TRRAP: variants seen among roughly 807,000 people sequenced by gnomAD.
TRRAP encodes transformation/transcription domain associated protein, also known as transformation/transcription domain-associated protein.
Under a neutral mutation model 438.8 loss-of-function variants are expected in TRRAP, and 41 were observed. That is an observed-to-expected ratio of 0.09 (90% confidence interval 0.07 to 0.12). The LOEUF is 0.12. TRRAP is among the 10% of genes least tolerant of loss of function. The probability of loss-of-function intolerance (pLI) is 1.00; values close to 1 mark genes in which losing one functional copy is unlikely to be tolerated. For synonymous variants in TRRAP, 1,994 were observed against 1,962.9 expected (o/e 1.02, Z -0.42); for missense variants, 3,122 against 5,055.1 (o/e 0.62, Z 11.60).
chr7:98,984,911 A>G (rs1457775291), intron 61 of TRRAP, 33 bp from the exon 62 acceptor site: 3 of 1,457,120 alleles, frequency 2.1e-6, no homozygotes, highest in South Asian at 1.2e-5. Context: ...AGAAATTTCA[A>G]GAACTTTTTT....
chr7:98,897,147 A>T (rs1175471607), intron 7 of TRRAP, among the ~76,000 whole-genome samples: 1 of 152,188 alleles, frequency 6.6e-6, no homozygotes, highest in Non-Finnish European at 1.5e-5. Flanking sequence ...AGGCGGGAGA[A>T]TCACTTGAAC....
chr7:98,970,467 G>A (rs1281596971), intron 52 of TRRAP, among the ~76,000 whole-genome samples, 176 bp downstream of exon 52: 1 of 151,842 alleles, frequency 6.6e-6, no homozygotes, highest in Admixed American at 6.6e-5. Context: ...GAGGCCCCGC[G>A]CCCCACGGGC....
At position 98,910,107 on chromosome 7, in the gene TRRAP, T is replaced by C. The variant is rs1554408383; in HGVS notation, c.1402T>C (p.Phe468Leu). The change falls in exon 15 of 73, where the codon TTT becomes CTT. Residue 468 changes from phenylalanine (F) to leucine (L), a missense_variant. Coordinates refer to ENST00000456197, the MANE Select transcript of TRRAP (RefSeq NM_001375524.1). ...TGCTCGGTACCAGCTCTCTGCCATT[T>C]TTAAGAAGTGTAAGCCTCAGTCAGA... The part of the protein sequence containing the change: ...TIARYQLSAI[F>L]KKCKPQSELG... 1.3e-6 allele frequency: 2 copies of C among 1,593,802 alleles called. No individual in the cohort carries two copies. The highest frequency in any genetic ancestry group is 2.2e-5 in the East Asian group (1 of 44,748).
intron 67 of TRRAP, among the ~76,000 whole-genome samples, chr7:99,003,338 T>C (rs1794018250): frequency 6.6e-6 from 1 of 152,258 alleles, no homozygotes; most frequent in South Asian, 2.1e-4. Flanking sequence ...CCTGCATTAG[T>C]TCCTTCTCAT....
intron 4 of TRRAP, among the ~76,000 whole-genome samples, chr7:98,892,002 A>G (rs1309491322): frequency 2.0e-5 from 3 of 152,230 alleles, no homozygotes; most frequent in African/African-American, 7.2e-5. Context: ...AGCTCATGAT[A>G]TAACTAGTCC....
intron 51 of TRRAP, among the ~76,000 whole-genome samples, chr7:98,969,627 G>A (rs1191310355): frequency 1.3e-5 from 2 of 152,150 alleles, no homozygotes; most frequent in Non-Finnish European, 2.9e-5. Context: ...GGGGAAGAAC[G>A]GTGTGGTGGC....
rs1554406003 is a variant in TRRAP, at chr7:98,897,772, C to T, written c.539C>T (p.Pro180Leu). 6.2e-7 allele frequency: 1 copy of T among 1,613,598 alleles called. No individual in the cohort carries two copies. The highest frequency in any genetic ancestry group is 1.3e-5 in the African/African-American group (1 of 74,764). ...TACTTTGAGAACCCTCAAGTGATCC[C>T]CGAGAACACAGTGCCTCCCCCAGAA... The part of the protein sequence containing the change: ...NRYFENPQVI[P>L]ENTVPPPEMV... Residue 180 changes from proline (P) to leucine (L), a missense_variant, in exon 8 of 73, where the codon CCC becomes CTC. By Grantham distance (98) the Pro-to-Leu change is moderately conservative. Around this residue, in one of 24 missense-constraint regions of TRRAP, gnomAD observed 343 missense variants for 564.0 expected, o/e 0.61. Coordinates refer to ENST00000456197, the MANE Select transcript of TRRAP (RefSeq NM_001375524.1).
intron 69 of TRRAP, 23 bp from the exon 70 acceptor site, chr7:99,008,354 C>T (rs746999974): frequency 5.6e-6 from 9 of 1,610,782 alleles, no homozygotes; most frequent in African/African-American, 2.7e-5. Context: ...CAGCCTGCCC[C>T]GTTTCTCTTC....
At chr7:99,002,608 G>T (rs1793980963) in intron 67 of TRRAP, among the ~76,000 whole-genome samples, 1 of 152,122 alleles carries the variant, frequency 6.6e-6, no homozygotes, top group African/African-American at 2.4e-5. Context: ...ATCTCACCTT[G>T]GTGCACAGCA....
chr7:98,894,131 G>C (rs1796090781), intron 6 of TRRAP, among the ~76,000 whole-genome samples: 1 of 152,164 alleles, frequency 6.6e-6, no homozygotes, highest in Non-Finnish European at 1.5e-5. Context: ...GGGCTGTTCT[G>C]GTATTTATGC....
intron 56 of TRRAP, among the ~76,000 whole-genome samples, chr7:98,977,769 G>T (rs73155662): frequency 6.6e-6 from 1 of 152,252 alleles, no homozygotes; most frequent in Non-Finnish European, 1.5e-5. Flanking sequence ...TCCAGAAGCA[G>T]ATGTGGCCTT....
intron 53 of TRRAP, among the ~76,000 whole-genome samples, chr7:98,974,539 G>A (rs931648121): frequency 4.6e-5 from 7 of 152,158 alleles, no homozygotes; most frequent in African/African-American, 1.7e-4. Context: ...ACCTCTTTGG[G>A]ACAGTGTGTA....
chr7:98,891,703 T>C (rs1554404934), intron 4 of TRRAP, among the ~76,000 whole-genome samples: 1 of 151,284 alleles, frequency 6.6e-6, no homozygotes. Flanking sequence ...ACCCAGCTAA[T>C]TTTTTGTATT....
chr7:98,899,983 G>A (rs754129001), intron 10 of TRRAP, among the ~76,000 whole-genome samples: 18 of 152,164 alleles, frequency 1.2e-4, no homozygotes, highest in Non-Finnish European at 2.1e-4. Context: ...ATTCTGGTGC[G>A]TTGTAAATTA....
At chr7:98,983,779 A>C (rs1214318442) in intron 60 of TRRAP, among the ~76,000 whole-genome samples, 1 of 152,194 alleles carries the variant, frequency 6.6e-6, no homozygotes, top group Non-Finnish European at 1.5e-5. Context: ...AGTTGTGCTC[A>C]GGTGGCTCTG....
At chr7:98,887,244 G>A (rs1296726328) in intron 3 of TRRAP, among the ~76,000 whole-genome samples, 3 of 152,110 alleles carry the variant, frequency 2.0e-5, no homozygotes, top group Non-Finnish European at 4.4e-5. Context: ...CATTTGAAAT[G>A]CAGATATTTG....
rs753395631 is a variant in TRRAP at position 98,984,263 on chromosome 7, A to G, written c.9193A>G (p.Thr3065Ala). 3.1e-6 allele frequency: 5 copies of G among 1,612,922 alleles called. No individual in the cohort carries two copies. Among genetic ancestry groups the G allele is most frequent in the Admixed American group, 3.3e-5 (2 of 59,780 alleles). Residue 3065 changes from threonine to alanine, a missense_variant, in exon 61 of 73, where the codon ACT becomes GCT. Transcript: ENST00000456197. ...ATTAAGTCGGATTCATACTATTCCA[A>G]CTGTTCCTATCGTGGATTGCTTCCA... is the stretch of plus-strand genomic sequence containing the variant. The part of the protein sequence containing the change: ...DILSRIHTIP[T>A]VPIVDCFQKI...
chr7:98,894,314 T>C (rs1796097502), intron 6 of TRRAP, among the ~76,000 whole-genome samples: 1 of 152,208 alleles, frequency 6.6e-6, no homozygotes, highest in African/African-American at 2.4e-5. Context: ...GTCCTTAAAA[T>C]GTCATTTGAG....
chr7:98,900,532 A>G lies in TRRAP; in HGVS notation c.801-92A>G, dbSNP rs1796426711. Reference sequence around the variant, plus strand: ...GTTGTTTGGGTCTGTGTGGAAATCAATCTTTTGGGTTTAGTAATGGTTACA... The same window carrying G: ...GTTGTTTGGGTCTGTGTGGAAATCAGTCTTTTGGGTTTAGTAATGGTTACA... On this transcript the variant is annotated intron_variant, in intron 10 of 72. Transcript: ENST00000456197. The G allele has an allele frequency of 5.6e-6, 6 of 1,067,020 alleles. No individual in the cohort carries two copies. The South Asian group carries it at 9.3e-5, about 17-fold the overall frequency. The allele number at this position is 1,067,020 out of a possible 1,614,324, so 66.1% of individuals were successfully genotyped here. A position where few individuals can be genotyped will look rare whatever the true frequency, so the allele number is the denominator to read the frequency against.
Sources: allele counts gnomAD v4.1 joint callset (sites outside exome capture counted in the v4.1 genomes callset), GRCh38; gene constraint gnomAD v4.1.1; regional missense constraint gnomAD v4.1.1; transcripts MANE v1.5; gene names NCBI Gene and HGNC (gene_info 2026-07-23, HGNC 2026-07-21).